The following CNTN5 variants were observed in gnomAD, a reference collection of about 807,000 sequenced individuals.
CNTN5 encodes the protein contactin 5.
In CNTN5, 77 loss-of-function variants were observed where a neutral mutation model predicts 129.1. That is an observed-to-expected ratio of 0.60 (90% confidence interval 0.50 to 0.72). The LOEUF (loss-of-function observed/expected upper bound fraction) is 0.72. Among genes scored for constraint, CNTN5 ranks in the 30% least tolerant of loss-of-function variants. CNTN5 has a pLI of 0.00. For synonymous variants in CNTN5, 509 were observed against 465.6 expected (o/e 1.09, Z -1.20); for missense variants, 1,478 against 1,328.8 (o/e 1.11, Z -1.75).
chr11:99,383,271 A>G (rs1243991323), intron 2 of CNTN5, among the ~76,000 whole-genome samples: 1 of 152,192 alleles, frequency 6.6e-6, no homozygotes, highest in African/African-American at 2.4e-5. Flanking sequence ...TAGGAAGAAA[A>G]GACCAAAAGA....
chr11:99,510,394 C>T (rs2135409249), intron 2 of CNTN5, among the ~76,000 whole-genome samples: 1 of 152,268 alleles, frequency 6.6e-6, no homozygotes, highest in Non-Finnish European at 1.5e-5. Flanking sequence ...CAAAGTGAAA[C>T]TGCACGCATC....
chr11:99,987,966 T>C (rs1243006979), intron 8 of CNTN5, among the ~76,000 whole-genome samples: 1 of 152,230 alleles, frequency 6.6e-6, no homozygotes, highest in Non-Finnish European at 1.5e-5. Context: ...TAGCAGATGT[T>C]CAGTTAATGT....
At chr11:99,446,038 C>CGCA (rs1438823097) in intron 2 of CNTN5, among the ~76,000 whole-genome samples, 1 of 149,770 alleles carries the variant, frequency 6.7e-6, no homozygotes, top group Non-Finnish European at 1.5e-5. Context: ...GAGCCAAGGT[C>CGCA]GCACCACGGC....
At position 100,358,086 on chromosome 11, in the gene CNTN5, C is replaced by A. The variant is rs1033237199; in HGVS notation, c.*1866C>A. 6.6e-6 allele frequency: 1 copy of A among 151,650 alleles called. No homozygotes were observed. The highest frequency in any genetic ancestry group is 1.5e-5 in the Non-Finnish European group (1 of 67,770). The allele number at this position is 151,650 out of a possible 1,614,324, so 9.4% of individuals were successfully genotyped here. On this transcript the variant is annotated 3_prime_UTR_variant, in exon 25 of 25. Coordinates refer to ENST00000524871, the MANE Select transcript of CNTN5 (RefSeq NM_014361.4). Reference sequence around the variant, plus strand: ...TTTAGCTGGCAAAACATGAGCTCTCCCAAGTATAGTTTACCTTTATGAATT... The same window carrying A: ...TTTAGCTGGCAAAACATGAGCTCTCACAAGTATAGTTTACCTTTATGAATT...
chr11:99,189,962 T>G (rs931676339), intron 1 of CNTN5, among the ~76,000 whole-genome samples: 5 of 151,704 alleles, frequency 3.3e-5, no homozygotes, highest in African/African-American at 1.2e-4. Context: ...TTTTTATTCC[T>G]ATCCAAAAAA....
At chr11:99,674,050 T>C (rs1272512417) in intron 3 of CNTN5, among the ~76,000 whole-genome samples, 1 of 152,188 alleles carries the variant, frequency 6.6e-6, no homozygotes, top group Non-Finnish European at 1.5e-5. Context: ...TCCACAATGG[T>C]TGAACTAATT....
chr11:99,421,853 A>G (rs964537237), intron 2 of CNTN5, among the ~76,000 whole-genome samples: 1 of 149,032 alleles, frequency 6.7e-6, no homozygotes, highest in Admixed American at 6.8e-5. Flanking sequence ...TTTTACTAGG[A>G]AAAAAAAAAT....
At chr11:99,734,238 T>C (rs1226527334) in intron 3 of CNTN5, among the ~76,000 whole-genome samples, 2 of 152,244 alleles carry the variant, frequency 1.3e-5, no homozygotes, top group African/African-American at 4.8e-5. Context: ...CATTGTGTTA[T>C]AAACAATCCA....
At chr11:100,147,564 C>T (rs996439650) in intron 13 of CNTN5, among the ~76,000 whole-genome samples, 2 of 152,098 alleles carry the variant, frequency 1.3e-5, no homozygotes, top group African/African-American at 2.4e-5. Context: ...TTTATACACA[C>T]GTCTCCACCA....
chr11:99,841,778 CATTTAT>C (rs1465012991), intron 4 of CNTN5, among the ~76,000 whole-genome samples: 5 of 8,998 alleles, frequency 5.6e-4, no homozygotes, highest in Non-Finnish European at 9.6e-4. Flanking sequence ...CCAGGTTTGA[CATTTAT>C]ATATATATAT....
chr11:99,639,819 C>T (rs528899270), intron 3 of CNTN5, among the ~76,000 whole-genome samples: 98 of 152,220 alleles, frequency 6.4e-4, no homozygotes, highest in African/African-American at 2.2e-3. Context: ...CCACCTCAGC[C>T]TCCCAAAGTG....
intron 15 of CNTN5, among the ~76,000 whole-genome samples, chr11:100,224,225 T>G (rs1052883095): frequency 1.3e-5 from 2 of 152,174 alleles, no homozygotes; most frequent in African/African-American, 4.8e-5. Context: ...CTCATTCTGT[T>G]GCCTACAGTG....
chr11:99,805,409 A>G (rs770841465), intron 3 of CNTN5, among the ~76,000 whole-genome samples: 2 of 152,340 alleles, frequency 1.3e-5, no homozygotes, highest in Middle Eastern at 6.8e-3. Context: ...CGAAACAATC[A>G]ACCTATGTCT....
intron 1 of CNTN5, among the ~76,000 whole-genome samples, chr11:99,079,036 T>C (rs116413318): frequency 0.027 from 4,164 of 152,262 alleles, 93 homozygotes; most frequent in East Asian, 0.06. Context: ...TGTATGCCTG[T>C]ATTAAAATAT....
At chr11:99,539,490 T>C (rs866432475) in intron 2 of CNTN5, among the ~76,000 whole-genome samples, 23 of 152,194 alleles carry the variant, frequency 1.5e-4, no homozygotes, top group Middle Eastern at 3.4e-3. Context: ...AAGAGAAAAC[T>C]AGTCTAAGAT....
At chr11:100,335,127 C>A (rs1952008025) in intron 21 of CNTN5, among the ~76,000 whole-genome samples, 1 of 151,546 alleles carries the variant, frequency 6.6e-6, no homozygotes, top group Non-Finnish European at 1.5e-5. Flanking sequence ...ATCTCTGTAC[C>A]TTCCTTTCAA....
At chr11:100,146,423 TG>T (rs1303638166) in intron 13 of CNTN5, among the ~76,000 whole-genome samples, 2 of 152,164 alleles carry the variant, frequency 1.3e-5, no homozygotes, top group African/African-American at 4.8e-5. Flanking sequence ...AAATACCCTT[TG>T]TGTTTTTATA....
At chr11:99,164,634 A>G (rs1479166798) in intron 1 of CNTN5, among the ~76,000 whole-genome samples, 1 of 152,168 alleles carries the variant, frequency 6.6e-6, no homozygotes, top group Non-Finnish European at 1.5e-5. Context: ...TCTAGTATAA[A>G]TATTAACATA....
intron 1 of CNTN5, among the ~76,000 whole-genome samples, chr11:99,078,443 A>C (rs1251942546): frequency 2.0e-5 from 3 of 152,184 alleles, no homozygotes; most frequent in Non-Finnish European, 4.4e-5. Flanking sequence ...ACCCCAAAGA[A>C]AGGAAATCAG....
Sources: allele counts gnomAD v4.1 joint callset (sites outside exome capture counted in the v4.1 genomes callset), GRCh38; gene constraint gnomAD v4.1.1; transcripts MANE v1.5; gene names NCBI Gene and HGNC (gene_info 2026-07-23, HGNC 2026-07-21).